The following EPHA5 variants were observed in gnomAD, a reference collection of about 807,000 sequenced individuals.
EPHA5 encodes the protein ephrin type-A receptor 5.
Under a neutral mutation model 105.0 loss-of-function variants are expected in EPHA5, and 60 were observed. The observed-to-expected ratio is 0.57, with a 90% CI of 0.46 to 0.71. The LOEUF is 0.71. Ranked by LOEUF, EPHA5 falls within the 30% of genes least tolerant of loss-of-function variation. The pLI is 0.00. For missense variants in EPHA5, 1,218 were observed against 1,274.7 expected, an observed-to-expected ratio of 0.96 and a Z score of 0.68; for synonymous variants, 513 against 449.1, an observed-to-expected ratio of 1.14 and a Z score of -1.80.
At chr4:65,594,571 C>A (rs1383831568) in intron 3 of EPHA5, among the ~76,000 whole-genome samples, 4 of 152,144 alleles carry the variant, frequency 2.6e-5, no homozygotes, top group Admixed American at 2.0e-4. Flanking sequence ...AGCATAATTT[C>A]TTTTATGAGT....
At chr4:65,348,305 A>G (rs1722417362) in intron 13 of EPHA5, 102 bp from the exon 14 acceptor site, 1 of 1,097,572 alleles carries the variant, frequency 9.1e-7, no homozygotes, top group Non-Finnish European at 1.3e-6. Context: ...TAGCATTTTT[A>G]AGTGAATCTG....
chr4:65,412,915 T>C (rs977120734), intron 7 of EPHA5, among the ~76,000 whole-genome samples: 10 of 152,144 alleles, frequency 6.6e-5, no homozygotes, highest in African/African-American at 1.9e-4. Context: ...GGATTTTTCA[T>C]TGGTATAGTT....
intron 3 of EPHA5, among the ~76,000 whole-genome samples, chr4:65,519,030 C>CAAT (rs1032052474): frequency 1.4e-4 from 22 of 152,026 alleles, no homozygotes; most frequent in Admixed American, 3.3e-4. Context: ...AATTTTAGAC[C>CAAT]AATATCCTTG....
At chr4:65,604,838 C>T (rs181138214) in intron 2 of EPHA5, among the ~76,000 whole-genome samples, 365 of 151,984 alleles carry the variant, frequency 2.4e-3, no homozygotes, top group African/African-American at 8.5e-3. Flanking sequence ...CAGGATATTA[C>T]AGTAACTTAA....
intron 2 of EPHA5, among the ~76,000 whole-genome samples, chr4:65,632,491 T>C (rs1443715447): frequency 1.4e-5 from 2 of 144,986 alleles, no homozygotes; most frequent in African/African-American, 5.2e-5. Context: ...TAGAAACTCC[T>C]AAATCCAAAG....
chr4:65,351,500 T>G lies in EPHA5; in HGVS notation c.2334A>C (p.Arg778Ser). 1 of 1,613,810 alleles carries G rather than the reference T, an allele frequency of 6.2e-7. No homozygotes were observed. Among genetic ancestry groups the G allele is most frequent in the Non-Finnish European group, 8.5e-7 (1 of 1,179,836 alleles). Residue 778 changes from arginine to serine, a missense_variant, in exon 13 of 17, where the codon AGA becomes AGC. Around this residue, in one of 3 missense-constraint regions of EPHA5, gnomAD observed 971 missense variants for 1,013.5 expected, o/e 0.96. Coordinates refer to ENST00000613740, the MANE Select transcript of EPHA5 (RefSeq NM_001281766.3). The part of the protein sequence containing the change: ...KYLSDMGYVH[R>S]DLAARNILIN... ...TTAAGATGTTTCTGGCAGCAAGATC[T>G]CTATGCACATAGCCCATGTCAGAAA...
chr4:65,624,743 G>C (rs1182216962), intron 2 of EPHA5, among the ~76,000 whole-genome samples: 1 of 152,146 alleles, frequency 6.6e-6, no homozygotes, highest in Admixed American at 6.6e-5. Flanking sequence ...GAAAGCAAAG[G>C]AGTCTTGATG....
chr4:65,448,438 A>G lies in EPHA5; in HGVS notation c.1403-27873T>C, dbSNP rs528165035. Among the ~76,000 whole-genome samples, 3 of 152,306 alleles carry G rather than the reference A, an allele frequency of 2.0e-5. No homozygotes were observed. The South Asian group carries it at 6.2e-4, about 32-fold the overall frequency. On this transcript the variant is annotated intron_variant, in intron 5 of 16. Coordinates refer to ENST00000613740, the MANE Select transcript of EPHA5 (RefSeq NM_001281766.3). ...CGAGGAGGACAGATCACTTAAAGTC[A>G]GGAGTTCCAGAGTAGCCTGGCCAAT... is the stretch of plus-strand genomic sequence containing the variant.
At chr4:65,411,373 A>G (rs1722893371) in intron 7 of EPHA5, among the ~76,000 whole-genome samples, 2 of 152,138 alleles carry the variant, frequency 1.3e-5, no homozygotes, top group Admixed American at 1.3e-4. Flanking sequence ...ACGGAAATGT[A>G]ATATAAATTA....
intron 16 of EPHA5, among the ~76,000 whole-genome samples, chr4:65,329,598 G>T (rs1349964307): frequency 4.6e-5 from 7 of 151,210 alleles, no homozygotes; most frequent in African/African-American, 1.7e-4. Context: ...AGTTATGAAT[G>T]TATTCTTCCA....
At chr4:65,339,782 C>T (rs1019231780) in intron 14 of EPHA5, among the ~76,000 whole-genome samples, 1 of 152,098 alleles carries the variant, frequency 6.6e-6, no homozygotes, top group African/African-American at 2.4e-5. Flanking sequence ...GCAGGACACA[C>T]TCACACTCAT....
chr4:65,434,350 A>G (rs955861895), intron 5 of EPHA5, among the ~76,000 whole-genome samples: 4 of 152,088 alleles, frequency 2.6e-5, no homozygotes, highest in Non-Finnish European at 5.9e-5. Context: ...CCACATCTAC[A>G]TATATCCTGG....
At chr4:65,494,243 G>A (rs1486791900) in intron 4 of EPHA5, among the ~76,000 whole-genome samples, 2 of 152,162 alleles carry the variant, frequency 1.3e-5, no homozygotes, top group African/African-American at 4.8e-5. Flanking sequence ...ATGTTTCACT[G>A]ACACTATGAA....
intron 8 of EPHA5, among the ~76,000 whole-genome samples, chr4:65,395,344 T>C (rs536185555): frequency 6.6e-6 from 1 of 152,220 alleles, no homozygotes; most frequent in Non-Finnish European, 1.5e-5. Flanking sequence ...TTATATCATA[T>C]GTCCTGGACT....
At chr4:65,490,254 A>T (rs969362028) in intron 5 of EPHA5, 123 bp downstream of exon 5, 20 of 871,038 alleles carry the variant, frequency 2.3e-5, no homozygotes, top group Non-Finnish European at 1.7e-6. Flanking sequence ...TTATACTTTA[A>T]GTCCTGACCT....
At chr4:65,636,362 C>T (rs996142263) in intron 2 of EPHA5, among the ~76,000 whole-genome samples, 2 of 152,048 alleles carry the variant, frequency 1.3e-5, no homozygotes, top group South Asian at 2.1e-4. Flanking sequence ...TCTGGGTACC[C>T]GCCAGAACCT....
intron 8 of EPHA5, among the ~76,000 whole-genome samples, chr4:65,397,193 C>A (rs1041344927): frequency 1.3e-5 from 2 of 152,286 alleles, no homozygotes; most frequent in Non-Finnish European, 2.9e-5. Context: ...CCCTGGGGTA[C>A]TTCTCCCTGG....
intron 11 of EPHA5, among the ~76,000 whole-genome samples, chr4:65,359,238 A>G (rs1302321192): frequency 1.3e-5 from 2 of 151,638 alleles, no homozygotes; most frequent in Non-Finnish European, 3.0e-5. Context: ...TCTGCCTTAA[A>G]GAAAAACAAG....
chr4:65,382,505 C>G (rs1719659421), intron 8 of EPHA5, among the ~76,000 whole-genome samples: 1 of 151,746 alleles, frequency 6.6e-6, no homozygotes, highest in South Asian at 2.1e-4. Context: ...CAAATATTAA[C>G]CATCTTTCAT....
Sources: gnomAD v4.1 joint callset for allele counts (sites outside exome capture counted in the v4.1 genomes callset) on GRCh38, gnomAD v4.1.1 for gene constraint, gnomAD v4.1.1 regional missense constraint, MANE v1.5 for transcripts, NCBI Gene and HGNC (gene_info 2026-07-23, HGNC 2026-07-21) for gene names.